Variants in CDH13 observed in about 807,000 individuals in gnomAD.
CDH13 encodes cadherin-13.
In CDH13, 24 loss-of-function variants were observed where a neutral mutation model predicts 63.8. That is an observed-to-expected ratio of 0.38 (90% CI 0.27 to 0.53). CDH13 has a LOEUF of 0.53. Among genes scored for constraint, CDH13 ranks in the 20% least tolerant of loss-of-function variants. CDH13 has a pLI of 0.85. For synonymous variants in CDH13, 503 were observed against 355.3 expected (o/e 1.42, Z -4.67); for missense variants, 1,049 against 903.1 (o/e 1.16, Z -2.07).
Position 83,223,372 on chromosome 16 carries a change from C to A in CDH13, c.636+5875C>A, listed in dbSNP as rs530321731. 1.8e-3 allele frequency among the ~76,000 whole-genome samples: 279 copies of A among 152,348 alleles called. 3 individuals carry two copies. The highest frequency in any genetic ancestry group is 6.6e-3 in the African/African-American group (274 of 41,582). On this transcript the variant is annotated intron_variant, in intron 5 of 13. Coordinates refer to ENST00000567109, the MANE Select transcript of CDH13 (RefSeq NM_001257.5). Reference sequence around the variant, plus strand: ...AAGCCTTTTAAATTAAGGCATCAAACCTACCCATGAGGGTGGAACACGCAT... The same window carrying A: ...AAGCCTTTTAAATTAAGGCATCAAAACTACCCATGAGGGTGGAACACGCAT...
chr16:83,304,496 A>G (rs1468553252), intron 5 of CDH13, among the ~76,000 whole-genome samples: 1 of 152,168 alleles, frequency 6.6e-6, no homozygotes, highest in East Asian at 1.9e-4. Flanking sequence ...AGATATGGGA[A>G]AATCAGAATC....
chr16:83,330,222 C>T (rs1018744803), intron 5 of CDH13, among the ~76,000 whole-genome samples: 1 of 152,134 alleles, frequency 6.6e-6, no homozygotes, highest in Admixed American at 6.5e-5. Context: ...CACACACATG[C>T]ACACACACAG....
At chr16:83,564,826 C>G (rs2075765259) in intron 7 of CDH13, among the ~76,000 whole-genome samples, 1 of 152,162 alleles carries the variant, frequency 6.6e-6, no homozygotes, top group Non-Finnish European at 1.5e-5. Flanking sequence ...GAAAGGCAGC[C>G]CTCCTCTGCC....
chr16:83,475,643 G>A (rs2073583238), intron 6 of CDH13, among the ~76,000 whole-genome samples: 1 of 152,174 alleles, frequency 6.6e-6, no homozygotes, highest in Non-Finnish European at 1.5e-5. Flanking sequence ...GTGCAGTGGT[G>A]TGATCTCGGC....
At chr16:83,196,520 A>G (rs1006669775) in intron 4 of CDH13, among the ~76,000 whole-genome samples, 5 of 152,220 alleles carry the variant, frequency 3.3e-5, no homozygotes, top group African/African-American at 4.8e-5. Context: ...AGGAGAAAAT[A>G]CTTACAAACC....
chr16:83,473,068 C>T (rs1029180136), intron 6 of CDH13, among the ~76,000 whole-genome samples: 1 of 152,122 alleles, frequency 6.6e-6, no homozygotes, highest in Non-Finnish European at 1.5e-5. Flanking sequence ...CCAGAAGGCC[C>T]CCTCTTAGAT....
chr16:82,873,871 C>T (rs2040421232), intron 2 of CDH13, among the ~76,000 whole-genome samples: 2 of 152,146 alleles, frequency 1.3e-5, no homozygotes, highest in African/African-American at 2.4e-5. Flanking sequence ...TCTTCTGAGA[C>T]TCTCTTTTAA....
intron 8 of CDH13, among the ~76,000 whole-genome samples, chr16:83,604,083 A>G (rs796073542): frequency 6.6e-5 from 10 of 152,242 alleles, no homozygotes; most frequent in African/African-American, 2.2e-4. Context: ...AACACTGGGA[A>G]TTATAATTCA....
intron 4 of CDH13, among the ~76,000 whole-genome samples, chr16:83,193,957 A>G (rs2038800568): frequency 6.6e-6 from 1 of 152,102 alleles, no homozygotes; most frequent in Admixed American, 6.5e-5. Flanking sequence ...GTCTCCCTAA[A>G]CGTTGCCCTC....
chr16:83,104,449 A>G (rs1333704390), intron 3 of CDH13, among the ~76,000 whole-genome samples: 1 of 152,182 alleles, frequency 6.6e-6, no homozygotes, highest in East Asian at 1.9e-4. Context: ...AATGAAAGAC[A>G]CTTTGCTGAT....
At chr16:83,503,438 C>T (rs747605259) in intron 7 of CDH13, among the ~76,000 whole-genome samples, 9 of 152,062 alleles carry the variant, frequency 5.9e-5, no homozygotes, top group Non-Finnish European at 1.2e-4. Flanking sequence ...GATGCCTCTG[C>T]CCAGGAGGAG....
chr16:83,556,761 T>A (rs1033305109), intron 7 of CDH13, among the ~76,000 whole-genome samples: 4 of 152,176 alleles, frequency 2.6e-5, no homozygotes. Context: ...AGAGAGGTAA[T>A]CTTTTCATGG....
intron 4 of CDH13, among the ~76,000 whole-genome samples, chr16:83,160,005 G>C (rs1293300813): frequency 2.0e-5 from 3 of 152,094 alleles, no homozygotes; most frequent in Non-Finnish European, 2.9e-5. Context: ...GAACCCAGGA[G>C]GCAGAGGTTG....
At chr16:82,737,729 T>C (rs2033743556) in intron 1 of CDH13, among the ~76,000 whole-genome samples, 1 of 152,198 alleles carries the variant, frequency 6.6e-6, no homozygotes, top group African/African-American at 2.4e-5. Context: ...CCCATACTTT[T>C]TTCTCCTTTT....
intron 1 of CDH13, among the ~76,000 whole-genome samples, chr16:82,806,499 T>G (rs570243878): frequency 6.6e-6 from 1 of 152,354 alleles, no homozygotes; most frequent in African/African-American, 2.4e-5. Context: ...GTTTTTTGTT[T>G]TGTTTTGTTT....
chr16:83,555,404 C>T (rs115157772), intron 7 of CDH13, among the ~76,000 whole-genome samples: 25 of 152,248 alleles, frequency 1.6e-4, no homozygotes, highest in African/African-American at 6.0e-4. Flanking sequence ...TAACTGATTC[C>T]CCAGGTGATT....
intron 2 of CDH13, among the ~76,000 whole-genome samples, chr16:82,966,929 C>A: frequency 6.6e-6 from 1 of 152,104 alleles, no homozygotes; most frequent in South Asian, 2.1e-4. Context: ...TGGATTTATC[C>A]AATTACCGCA....
chr16:83,125,323 G>T (rs1298968529), intron 3 of CDH13, 62 bp from the exon 4 acceptor site: 2 of 894,812 alleles, frequency 2.2e-6, no homozygotes, highest in South Asian at 1.4e-5. Flanking sequence ...CTCTATCTCG[G>T]AGCAGACTGA....
At chr16:82,678,088 A>G (rs1455666505) in intron 1 of CDH13, among the ~76,000 whole-genome samples, 4 of 152,116 alleles carry the variant, frequency 2.6e-5, no homozygotes, top group Admixed American at 6.6e-5. Context: ...TTCACCCTCT[A>G]CACTGGCCTC....
Sources: allele counts gnomAD v4.1 joint callset (sites outside exome capture counted in the v4.1 genomes callset), GRCh38; gene constraint gnomAD v4.1.1; transcripts MANE v1.5; gene names NCBI Gene and HGNC (gene_info 2026-07-23, HGNC 2026-07-21).